The following RNF111 variants were observed in gnomAD, a reference collection of about 807,000 sequenced individuals.
RNF111 encodes the protein ring finger protein 111, also known as E3 ubiquitin-protein ligase Arkadia.
A neutral mutation model predicts 95.1 loss-of-function variants in RNF111; 17 were observed. That is an observed-to-expected ratio of 0.18 (90% confidence interval 0.12 to 0.27). The LOEUF is 0.27. RNF111 is among the 10% of genes least tolerant of loss of function. RNF111 has a pLI of 1.00. For missense variants in RNF111, 1,189 were observed against 1,210.4 expected, an observed-to-expected ratio of 0.98 and a Z score of 0.26; for synonymous variants, 440 against 414.8, an observed-to-expected ratio of 1.06 and a Z score of -0.74.
rs191525872 is a variant in RNF111, at chr15:59,030,521, G to A, written c.-19-283G>A. Among the ~76,000 whole-genome samples the A allele has an allele frequency of 4.1e-4, 63 of 152,286 alleles. No homozygotes were observed. The East Asian group carries it at 0.011, about 27-fold the overall frequency. Reference sequence around the variant, plus strand: ...AATATGTTTTGTTGCTGAAGGTAGTGAGATATGCAATAAGATCAGTTTTTG... The same window carrying A: ...AATATGTTTTGTTGCTGAAGGTAGTAAGATATGCAATAAGATCAGTTTTTG... On this transcript the variant is annotated intron_variant, in intron 1 of 13. Transcript: ENST00000348370.
At chr15:59,089,823 T>TAC in intron 11 of RNF111, 64 bp downstream of exon 11, 3 of 1,066,684 alleles carry the variant, frequency 2.8e-6, no homozygotes, top group Non-Finnish European at 4.4e-6. Flanking sequence ...AGTATATATA[T>TAC]ACTACTATAC....
At chr15:59,057,803 C>G (rs530374624) in intron 4 of RNF111, among the ~76,000 whole-genome samples, 52 of 152,314 alleles carry the variant, frequency 3.4e-4, no homozygotes, top group African/African-American at 1.2e-3. Context: ...AGTATGTGAT[C>G]TCAGTTCATC....
intron 1 of RNF111, among the ~76,000 whole-genome samples, chr15:59,022,237 G>C (rs939375643): frequency 6.6e-6 from 1 of 152,118 alleles, no homozygotes; most frequent in Non-Finnish European, 1.5e-5. Context: ...GGTTTTGTCT[G>C]TTAGCTAGTT....
chr15:59,087,943 G>T (rs1186711966), intron 10 of RNF111, among the ~76,000 whole-genome samples: 1 of 152,118 alleles, frequency 6.6e-6, no homozygotes, highest in Non-Finnish European at 1.5e-5. Flanking sequence ...ATGTAGATGG[G>T]GCACCTCTTA....
At chr15:58,998,971 T>C (rs753544946) in intron 1 of RNF111, among the ~76,000 whole-genome samples, 1 of 152,222 alleles carries the variant, frequency 6.6e-6, no homozygotes, top group Non-Finnish European at 1.5e-5. Flanking sequence ...AGTTGTTTTT[T>C]CACTGATAGT....
At chr15:58,999,977 C>T (rs1394364296) in intron 1 of RNF111, among the ~76,000 whole-genome samples, 1 of 152,072 alleles carries the variant, frequency 6.6e-6, no homozygotes, top group Non-Finnish European at 1.5e-5. Context: ...AGGGATGGTG[C>T]TGAACCATTA....
chr15:58,996,935 T>C (rs1300853772), intron 1 of RNF111, among the ~76,000 whole-genome samples: 1 of 152,138 alleles, frequency 6.6e-6, no homozygotes, highest in East Asian at 1.9e-4. Flanking sequence ...AACAGAAACA[T>C]TTTAGCTCTC....
chr15:59,025,179 C>A (rs1353343673), intron 1 of RNF111, among the ~76,000 whole-genome samples: 1 of 152,188 alleles, frequency 6.6e-6, no homozygotes, highest in Non-Finnish European at 1.5e-5. Context: ...GCCACTGCGC[C>A]CAGGCAGAAA....
At chr15:59,071,298 CAAAAAA>C (rs35775103) in intron 6 of RNF111, among the ~76,000 whole-genome samples, 3 of 95,022 alleles carry the variant, frequency 3.2e-5, no homozygotes, top group Admixed American at 1.1e-4. Flanking sequence ...GACTCCATCT[CAAAAAA>C]AAAAAAAAAA....
intron 6 of RNF111, 35 bp downstream of exon 6, chr15:59,067,118 C>T (rs1429798040): frequency 6.5e-7 from 1 of 1,534,790 alleles, no homozygotes; most frequent in African/African-American, 1.4e-5. Flanking sequence ...TCTTTCCTGC[C>T]CCTCTTGTCT....
At chr15:59,032,207 G>C (rs921947660) in intron 2 of RNF111, among the ~76,000 whole-genome samples, 4 of 152,098 alleles carry the variant, frequency 2.6e-5, no homozygotes, top group Admixed American at 6.6e-5. Context: ...CCAAAGTGAT[G>C]GGATTACAGG....
intron 1 of RNF111, among the ~76,000 whole-genome samples, chr15:59,029,434 A>G (rs2040799322): frequency 1.3e-5 from 2 of 152,202 alleles, no homozygotes; most frequent in African/African-American, 4.8e-5. Context: ...GTGATGGCTG[A>G]TCTTGGATAC....
chr15:59,078,465 C>T (rs975354502), intron 7 of RNF111, among the ~76,000 whole-genome samples: 1 of 149,658 alleles, frequency 6.7e-6, no homozygotes, highest in Non-Finnish European at 1.5e-5. Flanking sequence ...TGCTTGAGCT[C>T]AGGAGTTCAA....
chr15:59,054,693 C>T (rs2042133245), intron 3 of RNF111, among the ~76,000 whole-genome samples: 2 of 151,994 alleles, frequency 1.3e-5, no homozygotes, highest in South Asian at 2.1e-4. Flanking sequence ...GTTCTATAAT[C>T]GTTGAAGTTC....
intron 1 of RNF111, among the ~76,000 whole-genome samples, chr15:59,018,847 GA>G (rs1487148983): frequency 2.0e-5 from 3 of 151,948 alleles, no homozygotes; most frequent in Admixed American, 6.6e-5. Context: ...AGAAAAGGAT[GA>G]AAAAAAGTTT....
intron 1 of RNF111, among the ~76,000 whole-genome samples, chr15:58,995,440 C>T (rs1409492262): frequency 6.7e-6 from 1 of 149,572 alleles, no homozygotes; most frequent in African/African-American, 2.4e-5. Flanking sequence ...AAGTGGGCTC[C>T]TGTGTCTTTT....
At chr15:59,087,873 C>T (rs1318497344) in intron 10 of RNF111, among the ~76,000 whole-genome samples, 1 of 152,140 alleles carries the variant, frequency 6.6e-6, no homozygotes, top group Non-Finnish European at 1.5e-5. Flanking sequence ...GTATTGAAAG[C>T]ATTTGGCAGT....
In RNF111 at chr15:58,987,771, T is replaced by TGTTCGA. The variant is rs1199734553; in HGVS notation, c.-312_-311insAGTTCG. 2 of 170,288 alleles carry TGTTCGA rather than the reference T, an allele frequency of 1.2e-5. No homozygotes were observed. Among genetic ancestry groups the TGTTCGA allele is most frequent in the Non-Finnish European group, 2.5e-5 (2 of 81,464 alleles). The allele number at this position is 170,288 out of a possible 1,614,324, so 10.5% of individuals were successfully genotyped here. On this transcript the variant is annotated 5_prime_UTR_variant, in exon 1 of 14. Transcript: ENST00000348370. ...GGCAGTGGCGGCGACGGCGAGGAGGTGTTCGGTTTGCGCAGCGTAGAAACG... is the reference window on the plus strand; with the variant it reads ...GGCAGTGGCGGCGACGGCGAGGAGGTGTTCGAGTTCGGTTTGCGCAGCGTAGAAACG...
At chr15:59,065,504 G>A (rs1200345394) in intron 5 of RNF111, among the ~76,000 whole-genome samples, 1 of 152,148 alleles carries the variant, frequency 6.6e-6, no homozygotes, top group African/African-American at 2.4e-5. Context: ...TTTTATAGAT[G>A]AAAAGGAGGT....
Sources: allele counts gnomAD v4.1 joint callset (sites outside exome capture counted in the v4.1 genomes callset), GRCh38; gene constraint gnomAD v4.1.1; transcripts MANE v1.5; gene names NCBI Gene and HGNC (gene_info 2026-07-23, HGNC 2026-07-21).